WDR7: variants seen among roughly 807,000 people sequenced by gnomAD.
WDR7 encodes WD repeat-containing protein 7.
A neutral mutation model predicts 169.4 loss-of-function variants in WDR7; 46 were observed. The ratio of observed to expected loss-of-function variants is 0.27; its 90% CI spans 0.21 to 0.35. WDR7 has a LOEUF of 0.35. Ranked by LOEUF, WDR7 falls within the 10% of genes least tolerant of loss-of-function variation. The probability of loss-of-function intolerance (pLI) is 1.00; values close to 1 mark genes in which losing one functional copy is unlikely to be tolerated. For missense variants in WDR7, 1,534 were observed against 1,859.3 expected (o/e 0.83, Z 3.22); for synonymous variants, 612 against 666.8 (o/e 0.92, Z 1.27).
intron 16 of WDR7, among the ~76,000 whole-genome samples, chr18:56,762,123 A>G (rs2043988729): frequency 6.6e-6 from 1 of 152,030 alleles, no homozygotes; most frequent in African/African-American, 2.4e-5. Context: ...TTCCTCTATT[A>G]ATGTGGCAAA....
At chr18:56,947,624 C>T (rs770113230) in intron 25 of WDR7, among the ~76,000 whole-genome samples, 19 of 152,210 alleles carry the variant, frequency 1.2e-4, no homozygotes, top group Non-Finnish European at 1.3e-4. Context: ...CCAATCAACA[C>T]GGAGTGTGCC....
In WDR7 at chr18:56,714,001, A is replaced by G. The variant is rs189141121; in HGVS notation, c.1579-3963A>G. ...TAAAATTAATATGAAATGTTGCTTG[A>G]ATAGTCTTTTTTCCTTTTACACTTA... On this transcript the variant is annotated intron_variant, in intron 12 of 27. Transcript: ENST00000254442. 3.3e-4 allele frequency among the ~76,000 whole-genome samples: 51 copies of G among 152,304 alleles called. 1 individual carries two copies. Among genetic ancestry groups the G allele is most frequent in the African/African-American group, 1.2e-3 (51 of 41,574 alleles).
At chr18:56,680,290 T>A (rs761157013) in intron 3 of WDR7, among the ~76,000 whole-genome samples, 1 of 152,106 alleles carries the variant, frequency 6.6e-6, no homozygotes, top group Non-Finnish European at 1.5e-5. Context: ...CCCAGGAGAT[T>A]GAGGCTGTTA....
chr18:56,675,466 A>T (rs1012868596), intron 2 of WDR7, among the ~76,000 whole-genome samples: 4 of 152,008 alleles, frequency 2.6e-5, no homozygotes, highest in Non-Finnish European at 4.4e-5. Flanking sequence ...TATTTTTTGA[A>T]TCTATTAGAT....
intron 21 of WDR7, 28 bp downstream of exon 21, chr18:56,880,193 C>T (rs2145480899): frequency 6.3e-7 from 1 of 1,591,680 alleles, no homozygotes; most frequent in East Asian, 2.3e-5. Flanking sequence ...TAATGCTGAT[C>T]TGTTGCTTCT....
chr18:56,974,497 G>A (rs948691087), intron 26 of WDR7, among the ~76,000 whole-genome samples: 2 of 151,618 alleles, frequency 1.3e-5, no homozygotes, highest in African/African-American at 4.9e-5. Context: ...CAAGTAGCTG[G>A]TACTACAGGT....
chr18:56,659,316 A>G (rs989390695), intron 1 of WDR7, among the ~76,000 whole-genome samples: 2 of 152,170 alleles, frequency 1.3e-5, no homozygotes, highest in African/African-American at 4.8e-5. Flanking sequence ...ATATACTTTA[A>G]TTTGCTGATG....
intron 15 of WDR7, 73 bp from the exon 16 acceptor site, chr18:56,758,792 T>G: frequency 8.3e-7 from 1 of 1,197,890 alleles, no homozygotes. Flanking sequence ...AAGTAGAAAA[T>G]TTTTTATTTT....
At chr18:56,670,912 A>T (rs898708559) in intron 1 of WDR7, among the ~76,000 whole-genome samples, 1 of 152,204 alleles carries the variant, frequency 6.6e-6, no homozygotes, top group Non-Finnish European at 1.5e-5. Context: ...ACTCTCTTCT[A>T]TGCAGCTTTC....
intron 19 of WDR7, among the ~76,000 whole-genome samples, chr18:56,809,070 C>T (rs1469553365): frequency 6.6e-6 from 1 of 152,078 alleles, no homozygotes; most frequent in African/African-American, 2.4e-5. Context: ...CTGCCCCACT[C>T]CATTCCCCCT....
chr18:56,815,915 A>G (rs3745038), intron 19 of WDR7, 116 bp from the exon 20 acceptor site: 214,624 of 786,712 alleles, frequency 0.27, 31,659 homozygotes, highest in Admixed American at 0.31. Flanking sequence ...GTGAACATAT[A>G]TATTTTTTAA....
At chr18:56,991,858 T>C (rs2047823254) in intron 26 of WDR7, among the ~76,000 whole-genome samples, 1 of 152,234 alleles carries the variant, frequency 6.6e-6, no homozygotes, top group South Asian at 2.1e-4. Context: ...GTCAGTTCAG[T>C]TTCCCATTAT....
intron 20 of WDR7, among the ~76,000 whole-genome samples, chr18:56,841,592 G>A (rs1042181470): frequency 3.3e-5 from 5 of 151,116 alleles, no homozygotes; most frequent in African/African-American, 9.7e-5. Flanking sequence ...TGTCATGTAC[G>A]TAATGTAGAT....
At chr18:56,738,862 A>G (rs1408963994) in intron 14 of WDR7, among the ~76,000 whole-genome samples, 1 of 106,500 alleles carries the variant, frequency 9.4e-6, no homozygotes, top group East Asian at 3.0e-4. Flanking sequence ...AGGAAACATT[A>G]TGATTCCTAT....
chr18:56,867,111 G>A (rs984502526), intron 20 of WDR7, among the ~76,000 whole-genome samples: 7 of 152,010 alleles, frequency 4.6e-5, no homozygotes, highest in African/African-American at 1.2e-4. Flanking sequence ...TGCAACCTCC[G>A]CCCCCTGGGC....
chr18:56,791,216 G>A (rs957712613), intron 19 of WDR7, among the ~76,000 whole-genome samples: 1 of 152,080 alleles, frequency 6.6e-6, no homozygotes, highest in African/African-American at 2.4e-5. Flanking sequence ...CTTAACATTT[G>A]AAATATGGTC....
intron 11 of WDR7, 122 bp downstream of exon 11, chr18:56,695,320 C>T: frequency 7.8e-7 from 1 of 1,281,860 alleles, no homozygotes; most frequent in East Asian, 2.4e-5. Flanking sequence ...TGTTGGGGTG[C>T]TATGTAGTTG....
chr18:56,659,715 A>G (rs2024863196), intron 1 of WDR7, among the ~76,000 whole-genome samples: 1 of 152,192 alleles, frequency 6.6e-6, no homozygotes, highest in African/African-American at 2.4e-5. Context: ...ACACCAATGA[A>G]TCAGAGCAGA....
At chr18:56,902,464 A>G (rs1354117616) in intron 21 of WDR7, among the ~76,000 whole-genome samples, 1 of 152,174 alleles carries the variant, frequency 6.6e-6, no homozygotes, top group Non-Finnish European at 1.5e-5. Flanking sequence ...TTATTGTCTT[A>G]TTTAGTACCT....
Sources: gnomAD v4.1 joint callset for allele counts (sites outside exome capture counted in the v4.1 genomes callset) on GRCh38, gnomAD v4.1.1 for gene constraint, MANE v1.5 for transcripts, NCBI Gene and HGNC (gene_info 2026-07-23, HGNC 2026-07-21) for gene names.